The following UBE2O variants were observed in gnomAD, a reference collection of about 807,000 sequenced individuals.
UBE2O encodes ubiquitin conjugating enzyme E2 O, also known as (E3-independent) E2 ubiquitin-conjugating enzyme.
A neutral mutation model predicts 125.8 loss-of-function variants in UBE2O; 15 were observed. That is an observed-to-expected ratio of 0.12 (90% CI 0.08 to 0.18). The LOEUF is 0.18. Ranked by LOEUF, UBE2O falls within the 10% of genes least tolerant of loss-of-function variation. UBE2O has a pLI of 1.00. For synonymous variants in UBE2O, 708 were observed against 703.2 expected (o/e 1.01, Z -0.11); for missense variants, 1,280 against 1,723.6 (o/e 0.74, Z 4.56).
At position 76,395,807 on chromosome 17, in the gene UBE2O, A is replaced by C; in HGVS notation, c.2864T>G (p.Phe955Cys). 2 of 1,614,240 alleles carry C rather than the reference A, an allele frequency of 1.2e-6. No homozygotes were observed. The highest frequency in any genetic ancestry group is 1.7e-6 in the Non-Finnish European group (2 of 1,180,042). ...EFQPPEAKKF[F>C]STVRKEMALL... Reference sequence around the variant, plus strand: ...CGCCATCTCCTTCCGCACTGTGCTGAAGAACTTCTTGGCTTCTGGAGGCTG... The same window carrying C: ...CGCCATCTCCTTCCGCACTGTGCTGCAGAACTTCTTGGCTTCTGGAGGCTG... The change falls in exon 15 of 18, where the codon TTC (phenylalanine) becomes TGC (cysteine). Residue 955 changes from phenylalanine (F) to cysteine (C), a missense_variant. By Grantham distance (205) the Phe-to-Cys change is radical. This residue lies in a region of UBE2O where 116 missense variants were observed against 154.8 expected (regional missense o/e 0.75). Coordinates refer to ENST00000319380, the MANE Select transcript of UBE2O (RefSeq NM_022066.4). This position sits in a 1 kb window ranked among gnomAD's most constrained non-coding sequence, Gnocchi z 5.0.
chr17:76,434,000 C>T (rs1276338841), intron 1 of UBE2O, among the ~76,000 whole-genome samples: 1 of 152,156 alleles, frequency 6.6e-6, no homozygotes, highest in Non-Finnish European at 1.5e-5. Context: ...CTATACTCAC[C>T]AGAAGACAAA....
At chr17:76,409,297 A>G (rs1397525348) in intron 1 of UBE2O, among the ~76,000 whole-genome samples, 2 of 151,372 alleles carry the variant, frequency 1.3e-5, no homozygotes, top group Admixed American at 6.6e-5. Flanking sequence ...AGTCGTAACT[A>G]TCAGAGGTTT....
At chr17:76,445,577 C>G (rs1337088041) in intron 1 of UBE2O, among the ~76,000 whole-genome samples, 2 of 152,182 alleles carry the variant, frequency 1.3e-5, no homozygotes, top group Non-Finnish European at 2.9e-5. Context: ...ACACAGCCTA[C>G]CTGTGTCTAG....
chr17:76,391,787 G>A lies in UBE2O; in HGVS notation c.3177C>T (p.Ser1059=). The A allele has an allele frequency of 6.2e-7, 1 of 1,614,136 alleles. No homozygotes were observed. The highest frequency in any genetic ancestry group is 8.5e-7 in the Non-Finnish European group (1 of 1,180,036). Reference sequence around the variant, plus strand: ...TGGAGATGAGCACCTGGAGAAGGCTGGACTTGCTTGTCCACCTCTCTGTCC... The same window carrying A: ...TGGAGATGAGCACCTGGAGAAGGCTAGACTTGCTTGTCCACCTCTCTGTCC... ...GKGTERWTSK[S]SLLQVLISIQ... Residue 1059 remains serine (S), a synonymous_variant, in exon 17 of 18, where the codon TCC becomes TCT. Coordinates refer to ENST00000319380, the MANE Select transcript of UBE2O (RefSeq NM_022066.4). The surrounding 1 kb of genome is among the most constrained non-coding windows in gnomAD (Gnocchi z 8.4).
Position 76,400,024 on chromosome 17 carries a change from A to C in UBE2O, c.1156-103T>G. On this transcript the variant is annotated intron_variant, in intron 8 of 17. Coordinates refer to ENST00000319380, the MANE Select transcript of UBE2O (RefSeq NM_022066.4). The surrounding 1 kb of genome is among the most constrained non-coding windows in gnomAD (Gnocchi z 4.3). Reference sequence around the variant, plus strand: ...GGATGACAGCTGTATACACCTGAGTAGCCGGCAAGGGTCATCAGGGCTGCC... The same window carrying C: ...GGATGACAGCTGTATACACCTGAGTCGCCGGCAAGGGTCATCAGGGCTGCC... 5.3e-6 allele frequency: 8 copies of C among 1,522,612 alleles called. No homozygotes were observed. The highest frequency in any genetic ancestry group is 7.1e-6 in the Non-Finnish European group (8 of 1,127,024). 94.3% of individuals were successfully genotyped at this position (1,522,612 alleles called of 1,614,324 possible). A position where few individuals can be genotyped will look rare whatever the true frequency, so the allele number is the denominator to read the frequency against.
intron 1 of UBE2O, among the ~76,000 whole-genome samples, chr17:76,416,216 A>G (rs905324999): frequency 1.3e-4 from 19 of 151,080 alleles, no homozygotes; most frequent in African/African-American, 3.6e-4. Context: ...GTGTATATGT[A>G]TGTATATGTA....
At chr17:76,447,160 A>C (rs1487361935) in intron 1 of UBE2O, among the ~76,000 whole-genome samples, 1 of 152,234 alleles carries the variant, frequency 6.6e-6, no homozygotes, top group African/African-American at 2.4e-5. Flanking sequence ...GCCAACCACA[A>C]GGCTTGTGAT....
In UBE2O at chr17:76,402,664, G is replaced by A. The variant is rs780742753; in HGVS notation, c.624C>T (p.Cys208=). 1.9e-6 allele frequency: 3 copies of A among 1,614,040 alleles called. No individual in the cohort carries two copies. The highest frequency in any genetic ancestry group is 2.5e-6 in the Non-Finnish European group (3 of 1,180,036). ...TCAAGTCGTAGACCTTCCCCAGCCAGCAGTCATAGGCAATGTAGTCCCCAT... is the reference window on the plus strand; with the variant it reads ...TCAAGTCGTAGACCTTCCCCAGCCAACAGTCATAGGCAATGTAGTCCCCAT... ...FMYGDYIAYD[C]WLGKVYDLKN... is the part of the protein sequence containing the mutation. Residue 208 remains cysteine (C), a synonymous_variant, in exon 4 of 18, where the codon TGC becomes TGT. Transcript: ENST00000319380. This position sits in a 1 kb window ranked among gnomAD's most constrained non-coding sequence, Gnocchi z 5.4.
At chr17:76,406,378 CTG>C (rs1209076414) in intron 1 of UBE2O, among the ~76,000 whole-genome samples, 1 of 152,114 alleles carries the variant, frequency 6.6e-6, no homozygotes, top group Non-Finnish European at 1.5e-5. Flanking sequence ...GGATGGGTCT[CTG>C]TGTGTGTCCA....
intron 1 of UBE2O, among the ~76,000 whole-genome samples, chr17:76,424,311 C>A (rs547597651): frequency 6.8e-6 from 1 of 148,122 alleles, no homozygotes; most frequent in African/African-American, 2.5e-5. Flanking sequence ...CAGGTTCAAG[C>A]GATTCTCCTG....
chr17:76,441,275 CA>C (rs1335787133), intron 1 of UBE2O, among the ~76,000 whole-genome samples: 29 of 152,250 alleles, frequency 1.9e-4, no homozygotes, highest in African/African-American at 7.0e-4. Flanking sequence ...GTGTTATACT[CA>C]AAACAACTAC....
chr17:76,393,663 G>A (rs927815463), intron 15 of UBE2O, among the ~76,000 whole-genome samples: 1 of 152,240 alleles, frequency 6.6e-6, no homozygotes, highest in Non-Finnish European at 1.5e-5. Flanking sequence ...GCCTGGGGAA[G>A]GGGGGATGGT....
At chr17:76,397,971 A>G in intron 12 of UBE2O, 83 bp from the exon 13 acceptor site, 1 of 1,444,512 alleles carries the variant, frequency 6.9e-7, no homozygotes, top group Non-Finnish European at 9.7e-7. Flanking sequence ...AGTGACTGAC[A>G]TCATGCCCAC....
intron 1 of UBE2O, among the ~76,000 whole-genome samples, chr17:76,423,896 CTTT>C (rs746126675): frequency 3.6e-5 from 3 of 83,468 alleles, no homozygotes; most frequent in Non-Finnish European, 6.3e-5. Flanking sequence ...AGGTTGGGTT[CTTT>C]TTTTTTTTTT....
At chr17:76,417,420 C>G (rs1422524200) in intron 1 of UBE2O, among the ~76,000 whole-genome samples, 1 of 152,230 alleles carries the variant, frequency 6.6e-6, no homozygotes, top group Non-Finnish European at 1.5e-5. Flanking sequence ...ATGGGCACAT[C>G]AGGATTTAAA....
At chr17:76,406,701 T>G (rs1469357562) in intron 1 of UBE2O, among the ~76,000 whole-genome samples, 11 of 133,372 alleles carry the variant, frequency 8.2e-5, no homozygotes, top group African/African-American at 1.7e-4. Context: ...TGTTTTTTTT[T>G]TTTTTTTTTT....
At chr17:76,418,737 C>A (rs2072657863) in intron 1 of UBE2O, among the ~76,000 whole-genome samples, 1 of 151,834 alleles carries the variant, frequency 6.6e-6, no homozygotes, top group Non-Finnish European at 1.5e-5. Flanking sequence ...GCCCGGCTAA[C>A]TTTTTGTATT....
intron 1 of UBE2O, among the ~76,000 whole-genome samples, chr17:76,442,565 A>C (rs2073090052): frequency 6.6e-6 from 1 of 152,232 alleles, no homozygotes; most frequent in African/African-American, 2.4e-5. Flanking sequence ...TCTGTTTCTC[A>C]AGGAGCTTCC....
chr17:76,396,590 C>T lies in UBE2O; in HGVS notation c.2347G>A (p.Ala783Thr), dbSNP rs1460790807. ...ATGGCCACAGCCCCCTGGACGGCAG[C>T]TGTGGCTGCCTCTTCACTGATCACC... Reference protein sequence around the residue: ...GVVISEEAATAAVQGAVAMAA... With the variant: ...GVVISEEAATTAVQGAVAMAA... Residue 783 changes from alanine to threonine, a missense_variant, in exon 14 of 18, where the codon GCT (alanine) becomes ACT (threonine). This residue lies in a region of UBE2O where 210 missense variants were observed against 268.9 expected (regional missense o/e 0.78). Transcript: ENST00000319380. The surrounding 1 kb of genome is among the most constrained non-coding windows in gnomAD (Gnocchi z 6.7). 5.6e-6 allele frequency: 9 copies of T among 1,607,238 alleles called. No individual in the cohort carries two copies. Among genetic ancestry groups the T allele is most frequent in the Non-Finnish European group, 7.6e-6 (9 of 1,177,130 alleles).
Sources: allele counts gnomAD v4.1 joint callset (sites outside exome capture counted in the v4.1 genomes callset), GRCh38; gene constraint gnomAD v4.1.1; regional missense constraint gnomAD v4.1.1; non-coding constraint Gnocchi (gnomAD v3.1); transcripts MANE v1.5; gene names NCBI Gene and HGNC (gene_info 2026-07-23, HGNC 2026-07-21).